SBSPON: variants seen among roughly 807,000 people sequenced by gnomAD.
SBSPON encodes the protein somatomedin-B and thrombospondin type-1 domain-containing protein.
Under a neutral mutation model 35.8 loss-of-function variants are expected in SBSPON, and 30 were observed. The ratio of observed to expected loss-of-function variants is 0.84; its 90% confidence interval spans 0.63 to 1.14. The LOEUF is 1.14. Among genes scored for constraint, SBSPON ranks in the 50% most tolerant of loss-of-function variants. SBSPON has a pLI of 0.00. For missense variants in SBSPON, 364 were observed against 357.7 expected (o/e 1.02, Z -0.14); for synonymous variants, 136 against 135.9 (o/e 1.00, Z 0.00).
rs370221717 is a variant in SBSPON, at chr8:73,081,015, G to T, written c.409+4C>A. ...AAAGGCAGCAACCATGAAAACATCA[G>T]TACCATAGGTGTGCCCGCAGTCCTG... On this transcript the variant is annotated splice_donor_region_variant and intron_variant, in intron 2 of 4. Transcript: ENST00000297354. The T allele has an allele frequency of 3.4e-5, 54 of 1,582,972 alleles. No individual in the cohort carries two copies. In the African/African-American group the frequency reaches 6.1e-4, roughly 18 times the overall value.
In SBSPON at chr8:73,064,806, T is replaced by C. The variant is rs1466239250; in HGVS notation, c.*2535A>G. The C allele has an allele frequency of 6.6e-6, 1 of 152,180 alleles. No homozygotes were observed. Among genetic ancestry groups the C allele is most frequent in the African/African-American group, 2.4e-5 (1 of 41,440 alleles). The allele number at this position is 152,180 out of a possible 1,614,324, so 9.4% of individuals were successfully genotyped here. On this transcript the variant is annotated 3_prime_UTR_variant, in exon 5 of 5. Coordinates refer to ENST00000297354, the MANE Select transcript of SBSPON (RefSeq NM_153225.4). ...CTCTTCAAAAATGGCCATTATCCCTTGCTTCTTTTCCCTTCTTTCCTGGTG... is the reference window on the plus strand; with the variant it reads ...CTCTTCAAAAATGGCCATTATCCCTCGCTTCTTTTCCCTTCTTTCCTGGTG...
At chr8:73,075,370 C>G (rs912601886) in intron 2 of SBSPON, among the ~76,000 whole-genome samples, 2 of 152,154 alleles carry the variant, frequency 1.3e-5, no homozygotes, top group Non-Finnish European at 2.9e-5. Context: ...TTAATACACC[C>G]CCCCCAAATT....
In SBSPON at chr8:73,066,162, C is replaced by G. The variant is rs1781681712; in HGVS notation, c.*1179G>C. ...CTCATGTAGTTTACATCTCAAGACT[C>G]AATTCTCTAAACTAAATATCTTGAA... On this transcript the variant is annotated 3_prime_UTR_variant, in exon 5 of 5. Coordinates refer to ENST00000297354, the MANE Select transcript of SBSPON (RefSeq NM_153225.4). The G allele has an allele frequency of 6.6e-6, 1 of 152,084 alleles. No homozygotes were observed. Among genetic ancestry groups the G allele is most frequent in the East Asian group, 1.9e-4 (1 of 5,192 alleles). The allele number at this position is 152,084 out of a possible 1,614,324, so 9.4% of individuals were successfully genotyped here.
At chr8:73,079,636 G>GC (rs1451323242) in intron 2 of SBSPON, among the ~76,000 whole-genome samples, 1 of 151,654 alleles carries the variant, frequency 6.6e-6, no homozygotes, top group East Asian at 1.9e-4. Flanking sequence ...CTCCAGGAAA[G>GC]CCCCTCCTCC....
chr8:73,069,134 G>A (rs149284335), intron 4 of SBSPON, among the ~76,000 whole-genome samples: 10 of 152,238 alleles, frequency 6.6e-5, no homozygotes, highest in African/African-American at 2.4e-4. Flanking sequence ...CCTCCAAAGA[G>A]TGATTCAGTT....
intron 4 of SBSPON, among the ~76,000 whole-genome samples, 157 bp from the exon 5 acceptor site, chr8:73,067,615 T>A: frequency 8.2e-4 from 1 of 1,216 alleles, no homozygotes; most frequent in African/African-American, 4.1e-3. Context: ...ATAGTTTTTT[T>A]TTTTTTCTAA....
chr8:73,069,013 TGAG>T (rs972126535), intron 4 of SBSPON, among the ~76,000 whole-genome samples: 10 of 152,142 alleles, frequency 6.6e-5, no homozygotes, highest in Non-Finnish European at 1.2e-4. Context: ...AAGTCAGAGT[TGAG>T]GGGTTGTCAC....
At position 73,067,293 on chromosome 8, in the gene SBSPON, A is replaced by G. The variant is rs1281982866; in HGVS notation, c.*48T>C. ...TAGGAAACATTGAACATGACTTGAG[A>G]ATATTTAGAATGTTTACAAATGCAT... On this transcript the variant is annotated 3_prime_UTR_variant, in exon 5 of 5. Coordinates refer to ENST00000297354, the MANE Select transcript of SBSPON (RefSeq NM_153225.4). 3 of 1,126,270 alleles carry G rather than the reference A, an allele frequency of 2.7e-6. No homozygotes were observed. The highest frequency in any genetic ancestry group is 4.1e-6 in the Non-Finnish European group (3 of 740,478). The allele number at this position is 1,126,270 out of a possible 1,614,324, so 69.8% of individuals were successfully genotyped here. A position where few individuals can be genotyped will look rare whatever the true frequency, so the allele number is the denominator to read the frequency against.
At position 73,081,021 on chromosome 8, in the gene SBSPON, T is replaced by C; in HGVS notation, c.407A>G (p.Tyr136Cys). ...TPQGQDCGHT[Y>C]VPAFITTSAF... The stretch of plus-strand genomic sequence containing the variant: ...AGCAACCATGAAAACATCAGTACCA[T>C]AGGTGTGCCCGCAGTCCTGGCCCTG... Residue 136 changes from tyrosine (Y) to cysteine (C), a missense_variant and splice_region_variant, in exon 2 of 5, where the codon TAT becomes TGT. Transcript: ENST00000297354. 2 of 1,592,840 alleles carry C rather than the reference T, an allele frequency of 1.3e-6. No homozygotes were observed. The highest frequency in any genetic ancestry group is 1.7e-6 in the Non-Finnish European group (2 of 1,170,428).
chr8:73,082,607 A>G (rs192001450), intron 1 of SBSPON, among the ~76,000 whole-genome samples: 128 of 152,356 alleles, frequency 8.4e-4, no homozygotes, highest in Middle Eastern at 3.4e-3. Flanking sequence ...AACTACCTAA[A>G]GAAGCCAGAA....
chr8:73,070,929 G>A (rs1003705615), intron 3 of SBSPON, among the ~76,000 whole-genome samples: 2 of 152,178 alleles, frequency 1.3e-5, no homozygotes, highest in African/African-American at 4.8e-5. Context: ...AGTAACTAAA[G>A]GTAACAAGTA....
Position 73,092,956 on chromosome 8 carries a change from C to A in SBSPON, c.112G>T (p.Ala38Ser). 1.9e-6 allele frequency: 3 copies of A among 1,602,132 alleles called. No individual in the cohort carries two copies. The highest frequency in any genetic ancestry group is 2.6e-6 in the Non-Finnish European group (3 of 1,176,070). ...CCPGRDPACF[A>S]RGWRLDRVYG... ...ACCCTGTCCAGCCTCCAGCCGCGGG[C>A]GAAGCAGGCGGGGTCCCGGCCGGGA... The change falls in exon 1 of 5, where the codon GCC (alanine) becomes TCC (serine). Residue 38 changes from alanine (A) to serine (S), a missense_variant. Coordinates refer to ENST00000297354, the MANE Select transcript of SBSPON (RefSeq NM_153225.4).
intron 1 of SBSPON, among the ~76,000 whole-genome samples, chr8:73,082,181 C>T (rs994275724): frequency 7.9e-5 from 12 of 152,158 alleles, no homozygotes; most frequent in African/African-American, 1.2e-4. Flanking sequence ...TATGGCGTCA[C>T]GTTTAACTTT....
At chr8:73,085,498 T>C (rs1810806296) in intron 1 of SBSPON, 1 of 151,610 alleles carries the variant, frequency 6.6e-6, no homozygotes, top group South Asian at 2.1e-4. Context: ...GTGCCACTCA[T>C]GGTTTGGGGA....
At chr8:73,085,108 A>C (rs1172445789) in intron 1 of SBSPON, among the ~76,000 whole-genome samples, 1 of 152,180 alleles carries the variant, frequency 6.6e-6, no homozygotes, top group East Asian at 1.9e-4. Flanking sequence ...AGTGGGGTGG[A>C]AGGAGACGAG....
intron 2 of SBSPON, among the ~76,000 whole-genome samples, chr8:73,079,724 C>A (rs1359431692): frequency 6.6e-6 from 1 of 152,136 alleles, no homozygotes; most frequent in Non-Finnish European, 1.5e-5. Context: ...TCGTTTGCTA[C>A]CAGCTGCACC....
chr8:73,087,982 C>T (rs934953566), intron 1 of SBSPON, among the ~76,000 whole-genome samples: 1 of 152,192 alleles, frequency 6.6e-6, no homozygotes, highest in Admixed American at 6.5e-5. Context: ...TTTCCCCATC[C>T]CTGGTAAGGC....
At position 73,069,853 on chromosome 8, in the gene SBSPON, A is replaced by G; in HGVS notation, c.629T>C (p.Met210Thr). 6.2e-7 allele frequency: 1 copy of G among 1,614,168 alleles called. No homozygotes were observed. Among genetic ancestry groups the G allele is most frequent in the Non-Finnish European group, 8.5e-7 (1 of 1,179,992 alleles). Residue 210 changes from methionine to threonine, a missense_variant, in exon 4 of 5, where the codon ATG becomes ACG. Transcript: ENST00000297354. ...TVCVDCQPPA[M>T]NSVSLRCSGD... is the part of the protein sequence containing the mutation. ...AGAACAACGAAGGCTCACAGAGTTC[A>G]TAGCTGGAGGCTGACAATCCACACA... is the stretch of plus-strand genomic sequence containing the variant.
At chr8:73,075,367 A>C (rs954301150) in intron 2 of SBSPON, among the ~76,000 whole-genome samples, 68 of 149,420 alleles carry the variant, frequency 4.6e-4, no homozygotes, top group African/African-American at 1.7e-3. Flanking sequence ...TTTTTAATAC[A>C]CCCCCCCCAA....
Sources: gnomAD v4.1 joint callset for allele counts (sites outside exome capture counted in the v4.1 genomes callset) on GRCh38, gnomAD v4.1.1 for gene constraint, MANE v1.5 for transcripts, NCBI Gene and HGNC (gene_info 2026-07-23, HGNC 2026-07-21) for gene names.